RBFOX1: variants seen among roughly 807,000 people sequenced by gnomAD.
RBFOX1 encodes RNA binding fox-1 homolog 1.
A neutral mutation model predicts 57.7 loss-of-function variants in RBFOX1; 8 were observed. The ratio of observed to expected loss-of-function variants is 0.14; its 90% confidence interval spans 0.08 to 0.25. RBFOX1 has a LOEUF of 0.25. Among genes scored for constraint, RBFOX1 ranks in the 10% least tolerant of loss-of-function variants. The pLI, the probability that RBFOX1 is intolerant of heterozygous loss-of-function variation, is 1.00. For missense variants in RBFOX1, 611 were observed against 548.5 expected, an observed-to-expected ratio of 1.11 and a Z score of -1.14; for synonymous variants, 326 against 222.4, an observed-to-expected ratio of 1.47 and a Z score of -4.15.
At chr16:7,413,181 C>T (rs925959499) in intron 4 of RBFOX1, among the ~76,000 whole-genome samples, 8 of 152,094 alleles carry the variant, frequency 5.3e-5, no homozygotes, top group African/African-American at 1.9e-4. Flanking sequence ...CCTTTCATAA[C>T]ACCAGCTTTT....
At chr16:7,068,209 A>T (rs1262946381) in intron 4 of RBFOX1, among the ~76,000 whole-genome samples, 3 of 152,090 alleles carry the variant, frequency 2.0e-5, no homozygotes, top group African/African-American at 7.2e-5. Context: ...ACCATAGCAT[A>T]CATAGATCTA....
intron 3 of RBFOX1, among the ~76,000 whole-genome samples, chr16:6,875,538 T>C (rs1023583405): frequency 1.1e-4 from 16 of 152,212 alleles, no homozygotes; most frequent in Non-Finnish European, 1.8e-4. Flanking sequence ...CTATGAATTA[T>C]GTTTATGTCT....
At chr16:5,825,282 G>C (rs893068466) in intron 3 of RBFOX1, among the ~76,000 whole-genome samples, 1 of 152,236 alleles carries the variant, frequency 6.6e-6, no homozygotes, top group Non-Finnish European at 1.5e-5. Context: ...AGGAACCCCA[G>C]GTTCAGAGAT....
intron 3 of RBFOX1, among the ~76,000 whole-genome samples, chr16:6,980,834 G>T (rs9940778): frequency 2.0e-5 from 3 of 151,990 alleles, no homozygotes; most frequent in African/African-American, 7.3e-5. Context: ...CTTCAGGTCA[G>T]GAGTTCAAAA....
At chr16:6,892,129 C>T (rs1027667333) in intron 3 of RBFOX1, among the ~76,000 whole-genome samples, 7 of 152,124 alleles carry the variant, frequency 4.6e-5, no homozygotes, top group Non-Finnish European at 1.0e-4. Flanking sequence ...AGTCCCCAAA[C>T]CCCCTGGTTG....
chr16:7,571,302 A>G (rs1303137073), intron 5 of RBFOX1, among the ~76,000 whole-genome samples: 1 of 152,076 alleles, frequency 6.6e-6, no homozygotes, highest in East Asian at 1.9e-4. Context: ...TTGTCTCCCT[A>G]GGGTCAGACA....
intron 3 of RBFOX1, among the ~76,000 whole-genome samples, chr16:5,726,466 C>G (rs1043165011): frequency 6.6e-6 from 1 of 152,188 alleles, no homozygotes; most frequent in African/African-American, 2.4e-5. Flanking sequence ...AGGACCTTCA[C>G]TTTCTTTGTC....
At chr16:6,295,773 C>T (rs1016313529) in intron 1 of RBFOX1, among the ~76,000 whole-genome samples, 3 of 152,144 alleles carry the variant, frequency 2.0e-5, no homozygotes, top group Non-Finnish European at 2.9e-5. Flanking sequence ...AGGAGGAAAA[C>T]GTGCAGAGCC....
intron 4 of RBFOX1, among the ~76,000 whole-genome samples, chr16:7,433,684 A>T (rs2098700102): frequency 6.6e-6 from 1 of 152,144 alleles, no homozygotes. Flanking sequence ...AAATTCATCC[A>T]TCCCTTCTAC....
intron 4 of RBFOX1, among the ~76,000 whole-genome samples, chr16:7,214,560 C>T (rs1449331176): frequency 3.9e-5 from 6 of 152,070 alleles, no homozygotes; most frequent in African/African-American, 1.4e-4. Flanking sequence ...TGCTTGGTCA[C>T]CCCACTAGCT....
chr16:5,874,160 T>C (rs1350092912), intron 4 of RBFOX1, among the ~76,000 whole-genome samples: 1 of 152,196 alleles, frequency 6.6e-6, no homozygotes, highest in African/African-American at 2.4e-5. Context: ...ATTAGTGTCC[T>C]TAACAGCAGC....
At chr16:6,070,333 C>G (rs1220274231) in intron 1 of RBFOX1, among the ~76,000 whole-genome samples, 1 of 152,132 alleles carries the variant, frequency 6.6e-6, no homozygotes, top group Non-Finnish European at 1.5e-5. Flanking sequence ...TAGCTCTTAG[C>G]GTTGAGCATT....
At chr16:7,340,722 G>A (rs567907835) in intron 4 of RBFOX1, among the ~76,000 whole-genome samples, 2 of 152,248 alleles carry the variant, frequency 1.3e-5, no homozygotes, top group East Asian at 1.9e-4. Flanking sequence ...TTGTCATGAC[G>A]TAGACCTCCC....
chr16:6,379,622 A>C lies in RBFOX1; in HGVS notation c.-64+62565A>C, dbSNP rs536819992. Among the ~76,000 whole-genome samples, 11 of 152,080 alleles carry C rather than the reference A, an allele frequency of 7.2e-5. No individual in the cohort carries two copies. The South Asian group carries it at 2.3e-3, about 32-fold the overall frequency. Reference sequence around the variant, plus strand: ...GACAAGAGAAGAATCATTCATGTCAAATGGGTCACAGAGGTGAAGTCATGC... The same window carrying C: ...GACAAGAGAAGAATCATTCATGTCACATGGGTCACAGAGGTGAAGTCATGC... On this transcript the variant is annotated intron_variant, in intron 2 of 15. Transcript: ENST00000550418.
intron 3 of RBFOX1, among the ~76,000 whole-genome samples, chr16:6,954,932 A>G (rs778502461): frequency 7.2e-5 from 11 of 152,130 alleles, no homozygotes; most frequent in Non-Finnish European, 1.2e-4. Flanking sequence ...TATTTTAGGC[A>G]TCAAATTTAA....
At chr16:6,631,243 A>G (rs2098381185) in intron 2 of RBFOX1, among the ~76,000 whole-genome samples, 1 of 152,080 alleles carries the variant, frequency 6.6e-6, no homozygotes. Flanking sequence ...GAAGATAAGG[A>G]CAAGTAAAGG....
chr16:7,659,280 T>C (rs1418144476), intron 12 of RBFOX1, among the ~76,000 whole-genome samples: 2 of 152,182 alleles, frequency 1.3e-5, no homozygotes, highest in South Asian at 2.1e-4. Flanking sequence ...CCTTTGGAAA[T>C]GTTTTCACGT....
At chr16:5,985,964 G>A (rs536826711) in intron 4 of RBFOX1, among the ~76,000 whole-genome samples, 15 of 152,054 alleles carry the variant, frequency 9.9e-5, no homozygotes, top group African/African-American at 3.1e-4. Flanking sequence ...GTATCCACCC[G>A]TATACCATCT....
chr16:7,566,374 C>G (rs2091688902), intron 5 of RBFOX1, among the ~76,000 whole-genome samples: 1 of 152,106 alleles, frequency 6.6e-6, no homozygotes, highest in Non-Finnish European at 1.5e-5. Flanking sequence ...AATCTTTACT[C>G]CTGTCTATAT....
Sources: allele counts gnomAD v4.1 joint callset (sites outside exome capture counted in the v4.1 genomes callset), GRCh38; gene constraint gnomAD v4.1.1; transcripts MANE v1.5; gene names NCBI Gene and HGNC (gene_info 2026-07-23, HGNC 2026-07-21).